MOCOS: variants seen among roughly 807,000 people sequenced by gnomAD.
The protein encoded by MOCOS is molybdenum cofactor sulfurase, also known as human molybdenum cofactor sulfurase.
In MOCOS, 86 loss-of-function variants were observed where a neutral mutation model predicts 83.6. The observed-to-expected ratio is 1.03, with a 90% CI of 0.86 to 1.23. The LOEUF is 1.23. MOCOS is among the 50% of genes most tolerant of loss of function. The pLI is 0.00. For missense variants in MOCOS, 1,120 were observed against 1,126.9 expected (o/e 0.99, Z 0.09); for synonymous variants, 445 against 434.7 (o/e 1.02, Z -0.29).
At chr18:36,229,509 G>A (rs994536177) in intron 9 of MOCOS, among the ~76,000 whole-genome samples, 1 of 152,094 alleles carries the variant, frequency 6.6e-6, no homozygotes, top group Admixed American at 6.6e-5. Context: ...TTTGGTATCT[G>A]TTGGGCTTTT....
intron 9 of MOCOS, among the ~76,000 whole-genome samples, chr18:36,234,037 TA>T (rs2144935243): frequency 6.6e-6 from 1 of 152,358 alleles, no homozygotes; most frequent in South Asian, 2.1e-4. Context: ...CTTTTTAAAT[TA>T]GGTCCCATCT....
At position 36,187,581 on chromosome 18, in the gene MOCOS, CT is replaced by C; in HGVS notation, c.44del (p.Phe15SerfsTer12). ...CGGAGTCAGGGCGGGAGCTGTGGACCTTCGCGGGTTCCCGGGACCCGAGCGC... is the reference window on the plus strand; with the variant it reads ...CGGAGTCAGGGCGGGAGCTGTGGACCTCGCGGGTTCCCGGGACCCGAGCGC... ...AAESGRELWT[F>X]AGSRDPSAPR... On this transcript the variant is annotated frameshift_variant, in exon 1 of 15. Coordinates refer to ENST00000261326, the MANE Select transcript of MOCOS (RefSeq NM_017947.4). LOFTEE classifies it high-confidence loss of function. The C allele has an allele frequency of 8.0e-7, 1 of 1,247,152 alleles. No homozygotes were observed. The highest frequency in any genetic ancestry group is 3.7e-5 in the South Asian group (1 of 26,832). 77.3% of individuals were successfully genotyped at this position (1,247,152 alleles called of 1,614,324 possible).
chr18:36,220,358 A>T (rs74911632), intron 9 of MOCOS, 141 bp downstream of exon 9: 1 of 1,106,412 alleles, frequency 9.0e-7, no homozygotes, highest in Non-Finnish European at 1.3e-6. Flanking sequence ...AAAAAAAAAA[A>T]TTATCCTGGG....
intron 12 of MOCOS, among the ~76,000 whole-genome samples, chr18:36,257,631 T>C (rs1382691275): frequency 1.3e-5 from 2 of 152,186 alleles, no homozygotes. Flanking sequence ...GAAAGGGTCA[T>C]GGTTGGGCCA....
At chr18:36,250,982 G>A (rs1182078923) in intron 10 of MOCOS, among the ~76,000 whole-genome samples, 177 bp from the exon 11 acceptor site, 3 of 152,240 alleles carry the variant, frequency 2.0e-5, no homozygotes, top group African/African-American at 7.2e-5. Context: ...ATAAGCCCCA[G>A]ATGGCAGGTC....
intron 9 of MOCOS, among the ~76,000 whole-genome samples, chr18:36,226,092 C>T (rs937436447): frequency 2.0e-5 from 3 of 152,022 alleles, no homozygotes; most frequent in Non-Finnish European, 2.9e-5. Context: ...CAAGTCCTCC[C>T]TTGATCTTCA....
chr18:36,215,285 C>T (rs2091471369), intron 7 of MOCOS, among the ~76,000 whole-genome samples: 1 of 152,100 alleles, frequency 6.6e-6, no homozygotes, highest in Non-Finnish European at 1.5e-5. Flanking sequence ...TTTAATGGCC[C>T]CTTGAGATTG....
At chr18:36,253,664 CA>C (rs56823164) in intron 11 of MOCOS, among the ~76,000 whole-genome samples, 18,262 of 123,904 alleles carry the variant, frequency 0.15, 1,136 homozygotes, top group Non-Finnish European at 0.16. Flanking sequence ...GACTCTGTCT[CA>C]AAAAAAAAAA....
chr18:36,201,663 CAA>C (rs200846253), intron 4 of MOCOS, among the ~76,000 whole-genome samples: 1 of 69,442 alleles, frequency 1.4e-5, no homozygotes, highest in Non-Finnish European at 2.8e-5. Flanking sequence ...ACTCCATCTC[CAA>C]AAAAAAAAAA....
chr18:36,239,036 G>A (rs1378125157), intron 9 of MOCOS, among the ~76,000 whole-genome samples: 1 of 151,230 alleles, frequency 6.6e-6, no homozygotes, highest in Non-Finnish European at 1.5e-5. Flanking sequence ...GTCTCTGCAT[G>A]TGAGATGGGT....
chr18:36,254,498 G>GTA (rs1491459713), intron 11 of MOCOS, among the ~76,000 whole-genome samples: 1 of 60,018 alleles, frequency 1.7e-5, no homozygotes, highest in African/African-American at 7.0e-5. Context: ...GTGTGTGTGT[G>GTA]TATAGAGAGA....
At chr18:36,205,377 C>T in intron 6 of MOCOS, 101 bp downstream of exon 6, 1 of 1,219,544 alleles carries the variant, frequency 8.2e-7, no homozygotes, top group Non-Finnish European at 1.2e-6. Context: ...GAAGAGGCCA[C>T]CAGGCCCTCA....
chr18:36,248,666 T>C (rs1425647364), intron 9 of MOCOS, among the ~76,000 whole-genome samples: 1 of 152,236 alleles, frequency 6.6e-6, no homozygotes, highest in Non-Finnish European at 1.5e-5. Context: ...TATGGTTATC[T>C]AGTTTTCCCA....
intron 9 of MOCOS, among the ~76,000 whole-genome samples, chr18:36,222,838 G>A (rs2144924557): frequency 6.6e-6 from 1 of 152,296 alleles, no homozygotes; most frequent in African/African-American, 2.4e-5. Context: ...CTGACCTTGT[G>A]ATCTGCCTGC....
chr18:36,228,775 C>T (rs1449187817), intron 9 of MOCOS, among the ~76,000 whole-genome samples: 1 of 151,268 alleles, frequency 6.6e-6, no homozygotes, highest in East Asian at 1.9e-4. Context: ...TATAACAAAC[C>T]CCCATAACGC....
chr18:36,200,295 C>A lies in MOCOS; in HGVS notation c.912C>A (p.Phe304Leu), dbSNP rs778641341. ...CTGCGTACCTAGCAGGAGAAGACTT[C>A]TACATCCCGAGGCAGTCGGTAGCTC... ...TASAYLAGED[F>L]YIPRQSVAQR... The change falls in exon 4 of 15, where the codon TTC becomes TTA. Residue 304 changes from phenylalanine to leucine, a missense_variant. Physicochemically the swap from Phe to Leu is conservative, Grantham distance 22. Coordinates refer to ENST00000261326, the MANE Select transcript of MOCOS (RefSeq NM_017947.4). 9 of 1,614,140 alleles carry A rather than the reference C, an allele frequency of 5.6e-6. No individual in the cohort carries two copies. The highest frequency in any genetic ancestry group is 1.6e-4 in the Middle Eastern group (1 of 6,062).
At position 36,260,176 on chromosome 18, in the gene MOCOS, G is replaced by T; in HGVS notation, c.2409+1G>T. On this transcript the variant is annotated splice_donor_variant, in intron 13 of 14. Transcript: ENST00000261326. LOFTEE classifies it high-confidence loss of function. ...TTCAATTGGCTCTTTGCGTTTCCAG[G>T]TAAGTTTGGGGAAGTTCTATTATCC... 1 of 1,614,136 alleles carries T rather than the reference G, an allele frequency of 6.2e-7. No individual in the cohort carries two copies. Among genetic ancestry groups the T allele is most frequent in the East Asian group, 2.2e-5 (1 of 44,878 alleles).
intron 9 of MOCOS, among the ~76,000 whole-genome samples, chr18:36,220,953 A>G (rs1327753226): frequency 6.6e-6 from 1 of 151,864 alleles, no homozygotes; most frequent in South Asian, 2.1e-4. Context: ...AAAAGTATAA[A>G]CTTTATATTA....
At chr18:36,200,726 T>G (rs1309405281) in intron 4 of MOCOS, among the ~76,000 whole-genome samples, 1 of 152,178 alleles carries the variant, frequency 6.6e-6, no homozygotes, top group Non-Finnish European at 1.5e-5. Flanking sequence ...GGTGGCACCA[T>G]TTGGAAAAAG....
Sources: allele counts gnomAD v4.1 joint callset (sites outside exome capture counted in the v4.1 genomes callset), GRCh38; gene constraint gnomAD v4.1.1; transcripts MANE v1.5; gene names NCBI Gene and HGNC (gene_info 2026-07-23, HGNC 2026-07-21).